Variants in SDK1 observed in about 807,000 individuals in gnomAD.
The protein encoded by SDK1 is protein sidekick-1.
Under a neutral mutation model 245.5 loss-of-function variants are expected in SDK1, and 157 were observed. The ratio of observed to expected loss-of-function variants is 0.64; its 90% CI spans 0.56 to 0.73. The LOEUF (loss-of-function observed/expected upper bound fraction) is 0.73, where lower values mean the gene tolerates loss of function less well. Among genes scored for constraint, SDK1 ranks in the 30% least tolerant of loss-of-function variants. The pLI, the probability that SDK1 is intolerant of heterozygous loss-of-function variation, is 0.00. For missense variants in SDK1, 3,583 were observed against 3,002.3 expected, an observed-to-expected ratio of 1.19 and a Z score of -4.52; for synonymous variants, 1,647 against 1,278.5, an observed-to-expected ratio of 1.29 and a Z score of -6.15.
intron 2 of SDK1, among the ~76,000 whole-genome samples, chr7:3,633,790 T>C (rs1047457207): frequency 2.2e-4 from 34 of 152,230 alleles, no homozygotes; most frequent in African/African-American, 8.2e-4. Context: ...AGCTGTTGCA[T>C]GGATGGATAT....
intron 4 of SDK1, among the ~76,000 whole-genome samples, chr7:3,803,266 T>C (rs548042328): frequency 3.0e-4 from 45 of 152,114 alleles, no homozygotes; most frequent in Non-Finnish European, 4.7e-4. Flanking sequence ...ATGCTTCTTG[T>C]TGTACTCTGC....
chr7:3,394,786 T>TTTTAC (rs1232940613), intron 1 of SDK1, among the ~76,000 whole-genome samples: 10 of 152,082 alleles, frequency 6.6e-5, no homozygotes, highest in Admixed American at 5.2e-4. Context: ...TGTCTCTTAA[T>TTTTAC]TTTACTTCCA....
In SDK1 at chr7:4,267,178, C is replaced by G. The variant is rs1788519344; in HGVS notation, c.*1794C>G. ...TGGCAAGTTTCCTTTTTTCTCTCCT[C>G]CCTTCCTTCCCCTCCTTCCTTTCCT... On this transcript the variant is annotated 3_prime_UTR_variant, in exon 45 of 45. Coordinates refer to ENST00000404826, the MANE Select transcript of SDK1 (RefSeq NM_152744.4). 4.1e-6 allele frequency: 4 copies of G among 971,748 alleles called. No individual in the cohort carries two copies. Among genetic ancestry groups the G allele is most frequent in the Non-Finnish European group, 3.7e-6 (3 of 817,826 alleles). The allele number at this position is 971,748 out of a possible 1,614,324, so 60.2% of individuals were successfully genotyped here.
intron 5 of SDK1, among the ~76,000 whole-genome samples, chr7:3,902,367 TC>T (rs1458591370): frequency 2.6e-5 from 4 of 152,176 alleles, no homozygotes; most frequent in Non-Finnish European, 5.9e-5. Flanking sequence ...ACTTATTCAA[TC>T]CTACAATTCA....
rs1336098143 is a variant in SDK1, at chr7:3,984,367, A to T, written c.1995-2819A>T. ...TGGCAGATGGGTTGTTTCTGTGTGCACTCTCACCTTGGGCTAAGAGAAGCG... is the reference window on the plus strand; with the variant it reads ...TGGCAGATGGGTTGTTTCTGTGTGCTCTCTCACCTTGGGCTAAGAGAAGCG... On this transcript the variant is annotated intron_variant, in intron 13 of 44. Transcript: ENST00000404826. Among the ~76,000 whole-genome samples the T allele has an allele frequency of 2.0e-5, 3 of 152,200 alleles. No homozygotes were observed. The East Asian group carries it at 5.8e-4, about 30-fold the overall frequency.
At chr7:3,914,094 C>G (rs909467711) in intron 5 of SDK1, among the ~76,000 whole-genome samples, 1 of 152,220 alleles carries the variant, frequency 6.6e-6, no homozygotes. Context: ...CTGGGGATAG[C>G]TTAGCATTTT....
At chr7:3,741,221 A>G (rs1282988878) in intron 4 of SDK1, among the ~76,000 whole-genome samples, 3 of 152,180 alleles carry the variant, frequency 2.0e-5, no homozygotes, top group Admixed American at 6.5e-5. Flanking sequence ...TAACCATGGG[A>G]CTGGCCAGTG....
chr7:3,379,141 C>T (rs2128566451), intron 1 of SDK1, among the ~76,000 whole-genome samples: 1 of 152,224 alleles, frequency 6.6e-6, no homozygotes, highest in African/African-American at 2.4e-5. Flanking sequence ...ATCATTGGTC[C>T]CGTCACTTTT....
intron 1 of SDK1, among the ~76,000 whole-genome samples, chr7:3,374,120 A>G (rs115934159): frequency 0.022 from 3,299 of 152,178 alleles, 110 homozygotes; most frequent in African/African-American, 0.068. Flanking sequence ...AATTGGAGCA[A>G]TGGAAGTCTT....
intron 40 of SDK1, among the ~76,000 whole-genome samples, chr7:4,232,392 C>CTTTTTTTTTTTTTTT (rs1178308855): frequency 1.2e-5 from 1 of 81,788 alleles, no homozygotes; most frequent in African/African-American, 4.8e-5. Flanking sequence ...TTCTTTTTTT[C>CTTTTTTTTTTTTTTT]TTTTCTTTTC....
At chr7:3,809,191 C>G (rs1203616768) in intron 4 of SDK1, among the ~76,000 whole-genome samples, 1 of 152,014 alleles carries the variant, frequency 6.6e-6, no homozygotes, top group African/African-American at 2.4e-5. Flanking sequence ...ATGGCGAGAG[C>G]AGGAGCAAGA....
At chr7:3,415,744 C>G (rs2128579003) in intron 1 of SDK1, among the ~76,000 whole-genome samples, 1 of 150,714 alleles carries the variant, frequency 6.6e-6, no homozygotes, top group East Asian at 1.9e-4. Flanking sequence ...TATTCATATA[C>G]AAATCATTTC....
chr7:3,987,894 C>T (rs371590247), intron 14 of SDK1, among the ~76,000 whole-genome samples: 60 of 152,264 alleles, frequency 3.9e-4, no homozygotes, highest in African/African-American at 1.3e-3. Flanking sequence ...GGCTGGGTGA[C>T]GTGTGCCCCG....
intron 41 of SDK1, among the ~76,000 whole-genome samples, chr7:4,236,347 C>T (rs979800348): frequency 6.6e-6 from 1 of 152,202 alleles, no homozygotes; most frequent in African/African-American, 2.4e-5. Flanking sequence ...CTGTTCTGAG[C>T]GAGCAGAACG....
intron 1 of SDK1, among the ~76,000 whole-genome samples, chr7:3,413,684 C>T (rs919698819): frequency 3.9e-5 from 6 of 151,932 alleles, no homozygotes; most frequent in African/African-American, 1.5e-4. Context: ...GAAACTTCAT[C>T]TCAAACAAAC....
chr7:3,462,639 TACCATAA>T (rs1298705899), intron 1 of SDK1, among the ~76,000 whole-genome samples: 3 of 152,136 alleles, frequency 2.0e-5, no homozygotes, highest in African/African-American at 7.2e-5. Flanking sequence ...AGTCCAGCTG[TACCATAA>T]ACTTTGATGC....
In SDK1 at chr7:3,385,210, A is replaced by G. The variant is rs75405426; in HGVS notation, c.298+83326A>G. 4.2e-3 allele frequency among the ~76,000 whole-genome samples: 634 copies of G among 152,264 alleles called. 7 individuals are homozygous for G. The highest frequency in any genetic ancestry group is 0.011 in the African/African-American group (452 of 41,542). On this transcript the variant is annotated intron_variant, in intron 1 of 44. Transcript: ENST00000404826. ...TTCTGAGCCTCAGTTTTTCTCCTCT[A>G]TGAATTGATAATACCTTGTAAGACT... is the stretch of plus-strand genomic sequence containing the variant.
intron 1 of SDK1, among the ~76,000 whole-genome samples, chr7:3,328,970 A>G (rs1780001740): frequency 6.6e-6 from 1 of 152,182 alleles, no homozygotes; most frequent in African/African-American, 2.4e-5. Flanking sequence ...AATCATTTAA[A>G]TATACTGATA....
intron 4 of SDK1, among the ~76,000 whole-genome samples, chr7:3,646,006 A>T (rs779212414): frequency 6.6e-6 from 1 of 151,948 alleles, no homozygotes; most frequent in African/African-American, 2.4e-5. Flanking sequence ...TTACAGGCGC[A>T]CCCCACTATG....
Sources: gnomAD v4.1 joint callset for allele counts (sites outside exome capture counted in the v4.1 genomes callset) on GRCh38, gnomAD v4.1.1 for gene constraint, MANE v1.5 for transcripts, NCBI Gene and HGNC (gene_info 2026-07-23, HGNC 2026-07-21) for gene names.